The following B3GAT2 variants were observed in gnomAD, a reference collection of about 807,000 sequenced individuals.
B3GAT2 encodes the protein beta-1,3-glucuronyltransferase 2.
Under a neutral mutation model 27.8 loss-of-function variants are expected in B3GAT2, and 26 were observed. That is an observed-to-expected ratio of 0.93 (90% CI 0.68 to 1.30). B3GAT2 has a LOEUF of 1.30. Ranked by LOEUF, B3GAT2 falls within the 50% of genes most tolerant of loss-of-function variation. The probability of loss-of-function intolerance (pLI) is 0.00; values close to 1 mark genes in which losing one functional copy is unlikely to be tolerated. For synonymous variants in B3GAT2, 218 were observed against 195.1 expected, an observed-to-expected ratio of 1.12 and a Z score of -0.98; for missense variants, 458 against 459.0, an observed-to-expected ratio of 1.00 and a Z score of 0.02.
chr6:70,881,796 G>A (rs1772102861), intron 2 of B3GAT2, among the ~76,000 whole-genome samples: 1 of 152,066 alleles, frequency 6.6e-6, no homozygotes, highest in Non-Finnish European at 1.5e-5. Flanking sequence ...GGGTGTCCAG[G>A]GGCTCCCATG....
intron 1 of B3GAT2, among the ~76,000 whole-genome samples, chr6:70,950,299 AAT>A (rs779732241): frequency 2.2e-4 from 18 of 80,796 alleles, no homozygotes; most frequent in African/African-American, 8.5e-4. Flanking sequence ...AAAAAAAAAA[AAT>A]TTTATTTTTC....
chr6:70,943,936 T>G (rs1582397844), intron 1 of B3GAT2, among the ~76,000 whole-genome samples: 2 of 152,198 alleles, frequency 1.3e-5, no homozygotes, highest in Non-Finnish European at 2.9e-5. Context: ...TGCAAACTGC[T>G]GAGGAGATTT....
rs1189143944 is a variant in B3GAT2 at position 70,860,983 on chromosome 6, A to G, written c.*680T>C. On this transcript the variant is annotated 3_prime_UTR_variant, in exon 4 of 4. Transcript: ENST00000230053. ...TAATTTGGATCTCTTCTTAATGTAC[A>G]TAGTGCTAACATGAAGACCTTTTTC... 3 of 328,052 alleles carry G rather than the reference A, an allele frequency of 9.1e-6. No homozygotes were observed. Among genetic ancestry groups the G allele is most frequent in the East Asian group, 4.5e-5 (1 of 22,288 alleles). The allele number at this position is 328,052 out of a possible 1,614,324, so 20.3% of individuals were successfully genotyped here.
intron 1 of B3GAT2, among the ~76,000 whole-genome samples, chr6:70,926,685 C>A (rs1056321090): frequency 3.9e-5 from 6 of 152,056 alleles, no homozygotes; most frequent in African/African-American, 1.2e-4. Flanking sequence ...GTGAAAAGAC[C>A]AAATCTACGT....
At chr6:70,904,959 T>C (rs1535288) in intron 1 of B3GAT2, among the ~76,000 whole-genome samples, 72,860 of 151,968 alleles carry the variant, frequency 0.48, 17,936 homozygotes, top group East Asian at 0.6. Flanking sequence ...TATATGCTGC[T>C]TCATTGGATG....
intron 2 of B3GAT2, among the ~76,000 whole-genome samples, chr6:70,885,981 T>G (rs534728421): frequency 6.6e-6 from 1 of 152,206 alleles, no homozygotes; most frequent in Non-Finnish European, 1.5e-5. Context: ...AAAATAAATG[T>G]GTGAGCCAGC....
chr6:70,916,762 G>T (rs751619895), intron 1 of B3GAT2, among the ~76,000 whole-genome samples: 1 of 152,128 alleles, frequency 6.6e-6, no homozygotes. Flanking sequence ...GATCGTAGTG[G>T]ATAAGCTTTT....
At position 70,955,013 on chromosome 6, in the gene B3GAT2, G is replaced by A. The variant is rs749768530; in HGVS notation, c.591+826C>T. Among the ~76,000 whole-genome samples the A allele has an allele frequency of 2.9e-4, 44 of 152,024 alleles. 1 individual carries two copies. Among genetic ancestry groups the A allele is most frequent in the Non-Finnish European group, 5.3e-4 (36 of 67,976 alleles). ...ACTCAGGACCTGGCTGCACCAGAAA[G>A]ACGCAAAAGGCCCCGCCAAATGTGT... is the stretch of plus-strand genomic sequence containing the variant. On this transcript the variant is annotated intron_variant, in intron 1 of 3. Transcript: ENST00000230053.
chr6:70,918,533 C>T (rs1368277294), intron 1 of B3GAT2, among the ~76,000 whole-genome samples: 12 of 152,062 alleles, frequency 7.9e-5, no homozygotes, highest in South Asian at 4.1e-4. Flanking sequence ...TGGCTGGTAC[C>T]GGTTGTTCCT....
chr6:70,956,618 C>T lies in B3GAT2; in HGVS notation c.-189G>A. The T allele has an allele frequency of 7.0e-7, 1 of 1,430,100 alleles. No individual in the cohort carries two copies. The highest frequency in any genetic ancestry group is 2.6e-5 in the East Asian group (1 of 38,542). 88.6% of individuals were successfully genotyped at this position (1,430,100 alleles called of 1,614,324 possible). On this transcript the variant is annotated 5_prime_UTR_variant, in exon 1 of 4. Coordinates refer to ENST00000230053, the MANE Select transcript of B3GAT2 (RefSeq NM_080742.3). ...CCTGGGCGTGGAGGAGCGGCAGGTT[C>T]GCGCAAGCTAGAGCGACAAGGGGTG...
chr6:70,913,360 A>C (rs557654084), intron 1 of B3GAT2, among the ~76,000 whole-genome samples: 9 of 151,976 alleles, frequency 5.9e-5, no homozygotes, highest in Non-Finnish European at 1.2e-4. Context: ...GGTATATTTT[A>C]TCTTTATTTT....
chr6:70,932,543 AG>A (rs1377697796), intron 1 of B3GAT2, among the ~76,000 whole-genome samples: 1 of 152,210 alleles, frequency 6.6e-6, no homozygotes, highest in Non-Finnish European at 1.5e-5. Context: ...CAGACACAAA[AG>A]TATAAATATG....
At chr6:70,913,234 T>C (rs527967572) in intron 1 of B3GAT2, among the ~76,000 whole-genome samples, 46 of 152,272 alleles carry the variant, frequency 3.0e-4, no homozygotes, top group Middle Eastern at 3.4e-3. Context: ...GTTTTTCTAG[T>C]TCCTCTAGGT....
intron 1 of B3GAT2, among the ~76,000 whole-genome samples, chr6:70,939,707 A>G (rs1429750823): frequency 6.7e-6 from 1 of 150,204 alleles, no homozygotes. Flanking sequence ...GAGAACACAG[A>G]CACAGGAAGG....
Position 70,858,673 on chromosome 6 carries a change from C to T in B3GAT2, c.*2990G>A, listed in dbSNP as rs1250969904. On this transcript the variant is annotated 3_prime_UTR_variant, in exon 4 of 4. Transcript: ENST00000230053. ...TTTTATTAGAAAATAAAAATCTAGC[C>T]TCATATTCTCAAAGCACTATTTTAT... 6.4e-6 allele frequency: 1 copy of T among 155,124 alleles called. No homozygotes were observed. The highest frequency in any genetic ancestry group is 1.9e-4 in the East Asian group (1 of 5,218). 9.6% of individuals were successfully genotyped at this position (155,124 alleles called of 1,614,324 possible).
chr6:70,882,225 G>T (rs1259243050), intron 2 of B3GAT2, among the ~76,000 whole-genome samples: 4 of 152,158 alleles, frequency 2.6e-5, no homozygotes, highest in Non-Finnish European at 5.9e-5. Context: ...AGGTACGCTG[G>T]GTGTGGTGGC....
At chr6:70,918,093 G>T (rs985715278) in intron 1 of B3GAT2, among the ~76,000 whole-genome samples, 4 of 152,052 alleles carry the variant, frequency 2.6e-5, no homozygotes, top group Non-Finnish European at 5.9e-5. Context: ...CTCCTGTATT[G>T]GGTGCATATA....
chr6:70,890,536 A>T (rs1161748470), intron 2 of B3GAT2, among the ~76,000 whole-genome samples: 3 of 152,222 alleles, frequency 2.0e-5, no homozygotes, highest in Non-Finnish European at 4.4e-5. Flanking sequence ...AACACTGATT[A>T]CAATGATAAT....
chr6:70,865,277 C>T (rs1397109932), intron 2 of B3GAT2, among the ~76,000 whole-genome samples: 2 of 152,162 alleles, frequency 1.3e-5, no homozygotes, highest in East Asian at 1.9e-4. Flanking sequence ...CAGACGTGGG[C>T]CTGGCTAATT....
Sources: gnomAD v4.1 joint callset for allele counts (sites outside exome capture counted in the v4.1 genomes callset) on GRCh38, gnomAD v4.1.1 for gene constraint, MANE v1.5 for transcripts, NCBI Gene and HGNC (gene_info 2026-07-23, HGNC 2026-07-21) for gene names.